MYO16: variants seen among roughly 807,000 people sequenced by gnomAD.
MYO16 encodes the protein unconventional myosin-XVI.
MYO16 carries 94 observed loss-of-function variants against 205.3 expected under a neutral mutation model. The observed-to-expected ratio is 0.46, with a 90% confidence interval of 0.39 to 0.54. The LOEUF is 0.54. Ranked by LOEUF, MYO16 falls within the 20% of genes least tolerant of loss-of-function variation. The pLI is 0.00. For synonymous variants in MYO16, 988 were observed against 954.0 expected, an observed-to-expected ratio of 1.04 and a Z score of -0.66; for missense variants, 2,315 against 2,387.5, an observed-to-expected ratio of 0.97 and a Z score of 0.63.
At chr13:108,586,172 TA>T in the MYO16 span, among the ~76,000 whole-genome samples, 6 of 151,900 alleles carry the variant, frequency 3.9e-5, no homozygotes, top group East Asian at 1.9e-4. Context: ...GTATCCCAGA[TA>T]AAAAAAGAAG....
chr13:108,644,163 T>G lies in MYO16; in HGVS notation c.28+14291T>G, dbSNP rs147484115. Among the ~76,000 whole-genome samples, 783 of 152,280 alleles carry G rather than the reference T, an allele frequency of 5.1e-3. 6 individuals are homozygous for G. The highest frequency in any genetic ancestry group is 0.018 in the African/African-American group (748 of 41,562). On this transcript the variant is annotated intron_variant, in intron 1 of 34. Coordinates refer to ENST00000457511, the MANE Select transcript of MYO16 (RefSeq NM_001198950.3). ...GACGGGGAGAAATTCCTGAGCTCAT[T>G]CTGCTTACATAATAGGCTTCTGGTT...
chr13:108,500,945 T>C, the MYO16 span, among the ~76,000 whole-genome samples: 6 of 152,154 alleles, frequency 3.9e-5, no homozygotes, highest in African/African-American at 1.4e-4. Flanking sequence ...CCCTGCATTT[T>C]ACAACACCGA....
chr13:109,116,320 G>C (rs564529008), intron 28 of MYO16, among the ~76,000 whole-genome samples: 13 of 152,208 alleles, frequency 8.5e-5, no homozygotes, highest in African/African-American at 2.9e-4. Flanking sequence ...TACCTCAGCA[G>C]TGCAGATTTG....
chr13:109,131,252 A>G (rs967744389), intron 31 of MYO16, among the ~76,000 whole-genome samples: 1 of 152,226 alleles, frequency 6.6e-6, no homozygotes, highest in African/African-American at 2.4e-5. Flanking sequence ...AGATGGTTAC[A>G]GAGTGAAAGG....
chr13:108,799,415 G>T (rs939816699), intron 6 of MYO16, among the ~76,000 whole-genome samples: 5 of 152,144 alleles, frequency 3.3e-5, no homozygotes, highest in African/African-American at 1.2e-4. Context: ...TAATGCATGT[G>T]CTTCTATATC....
At chr13:108,695,122 A>T (rs192671544) in intron 2 of MYO16, among the ~76,000 whole-genome samples, 1 of 152,224 alleles carries the variant, frequency 6.6e-6, no homozygotes, top group South Asian at 2.1e-4. Flanking sequence ...CAAAAAACAA[A>T]CAAACTAAAA....
the MYO16 span, among the ~76,000 whole-genome samples, chr13:108,565,568 G>T: frequency 2.0e-5 from 3 of 151,990 alleles, no homozygotes. Context: ...GTTCTGGTAG[G>T]TTTTTTTGAT....
At chr13:108,508,455 G>A in the MYO16 span, among the ~76,000 whole-genome samples, 1 of 151,632 alleles carries the variant, frequency 6.6e-6, no homozygotes, top group Non-Finnish European at 1.5e-5. Flanking sequence ...TGCTCCCTCT[G>A]GTGTTTATCT....
At chr13:109,100,306 G>A (rs1888921008) in intron 27 of MYO16, among the ~76,000 whole-genome samples, 1 of 152,126 alleles carries the variant, frequency 6.6e-6, no homozygotes, top group Non-Finnish European at 1.5e-5. Context: ...TAATATATGG[G>A]GAAGAAGCGA....
the MYO16 span, among the ~76,000 whole-genome samples, chr13:108,558,036 GA>G: frequency 2.0e-5 from 3 of 152,118 alleles, no homozygotes; most frequent in African/African-American, 7.2e-5. Context: ...AATCCTTTAT[GA>G]AAATTTTATT....
intron 1 of MYO16, among the ~76,000 whole-genome samples, chr13:108,642,350 G>T (rs1415888364): frequency 6.6e-6 from 1 of 152,154 alleles, no homozygotes; most frequent in Admixed American, 6.5e-5. Flanking sequence ...TTGGAAATGT[G>T]TGATGCACCA....
chr13:108,571,375 G>A, the MYO16 span, among the ~76,000 whole-genome samples: 1 of 151,894 alleles, frequency 6.6e-6, no homozygotes, highest in Non-Finnish European at 1.5e-5. Context: ...AAGTGGTGCT[G>A]AATTTGGCAA....
intron 16 of MYO16, among the ~76,000 whole-genome samples, chr13:108,950,856 C>T (rs752469304): frequency 2.6e-5 from 4 of 152,146 alleles, no homozygotes; most frequent in East Asian, 1.9e-4. Context: ...GAATACTGCT[C>T]GGCAGCAGAG....
rs140043307 is a variant in MYO16 at position 109,093,127 on chromosome 13, A to G, written c.3336-7658A>G. On this transcript the variant is annotated intron_variant, in intron 27 of 34. Coordinates refer to ENST00000457511, the MANE Select transcript of MYO16 (RefSeq NM_001198950.3). ...ACTTGACGAATGGGACTCATGTTAG[A>G]TAAATTTTCATTTAACTATGATAGA... 1.5e-3 allele frequency among the ~76,000 whole-genome samples: 230 copies of G among 152,306 alleles called. 1 individual carries two copies. The highest frequency in any genetic ancestry group is 0.01 in the Middle Eastern group (3 of 294).
chr13:108,723,411 T>C (rs1184530102), intron 3 of MYO16, among the ~76,000 whole-genome samples: 1 of 152,310 alleles, frequency 6.6e-6, no homozygotes, highest in Non-Finnish European at 1.5e-5. Flanking sequence ...TTTAGTATCA[T>C]ACTAAGATTT....
chr13:108,553,900 C>T, the MYO16 span, among the ~76,000 whole-genome samples: 2 of 152,056 alleles, frequency 1.3e-5, no homozygotes, highest in African/African-American at 2.4e-5. Context: ...GTGCCCCAAG[C>T]GAGAAGAGAA....
Position 108,654,399 on chromosome 13 carries a change from G to A in MYO16, c.29-11487G>A, listed in dbSNP as rs146992761. 1.1e-4 allele frequency among the ~76,000 whole-genome samples: 16 copies of A among 152,228 alleles called. 1 individual carries two copies. The East Asian group carries it at 3.1e-3, about 29-fold the overall frequency. ...TTCTGCATCTTCCTCATTTTCTCTT[G>A]CTGCTGCCATGTAAGAAGTGCCTTT... On this transcript the variant is annotated intron_variant, in intron 1 of 34. Transcript: ENST00000457511.
At chr13:108,557,873 T>A in the MYO16 span, among the ~76,000 whole-genome samples, 1 of 152,146 alleles carries the variant, frequency 6.6e-6, no homozygotes, top group African/African-American at 2.4e-5. Context: ...AATTTTATTG[T>A]CCTATAGTTA....
intron 4 of MYO16, among the ~76,000 whole-genome samples, chr13:108,747,697 A>G (rs1885109230): frequency 6.6e-6 from 1 of 152,186 alleles, no homozygotes; most frequent in Admixed American, 6.5e-5. Context: ...AATTGCTTCA[A>G]ATTGAGTAGT....
Sources: allele counts gnomAD v4.1 joint callset (sites outside exome capture counted in the v4.1 genomes callset), GRCh38; gene constraint gnomAD v4.1.1; transcripts MANE v1.5; gene names NCBI Gene and HGNC (gene_info 2026-07-23, HGNC 2026-07-21).